Variants in DCC observed in about 807,000 individuals in gnomAD.
The protein encoded by DCC is DCC netrin 1 receptor.
In DCC, 58 loss-of-function variants were observed where a neutral mutation model predicts 172.5. The observed-to-expected ratio is 0.34, with a 90% CI of 0.27 to 0.42. The LOEUF (loss-of-function observed/expected upper bound fraction) is 0.42. DCC is among the 10% of genes least tolerant of loss of function. The pLI is 1.00. For missense variants in DCC, 1,740 were observed against 1,791.0 expected (o/e 0.97, Z 0.51); for synonymous variants, 709 against 644.5 (o/e 1.10, Z -1.52).
At chr18:52,710,479 C>T (rs756274767) in intron 1 of DCC, among the ~76,000 whole-genome samples, 12 of 152,206 alleles carry the variant, frequency 7.9e-5, no homozygotes, top group East Asian at 1.9e-4. Context: ...TGCTTGCAAG[C>T]GTGTGCACAC....
intron 12 of DCC, among the ~76,000 whole-genome samples, chr18:53,292,556 G>A (rs2144752660): frequency 6.6e-6 from 1 of 152,254 alleles, no homozygotes; most frequent in Admixed American, 6.5e-5. Context: ...GGCATGGGTG[G>A]TGGGCATCTG....
chr18:53,431,500 T>C (rs374321102), intron 21 of DCC, among the ~76,000 whole-genome samples: 1 of 151,950 alleles, frequency 6.6e-6, no homozygotes, highest in African/African-American at 2.4e-5. Flanking sequence ...TTGTTGTTTT[T>C]TTACTGAGCC....
intron 7 of DCC, among the ~76,000 whole-genome samples, chr18:53,139,639 T>C (rs2043801037): frequency 6.6e-6 from 1 of 152,132 alleles, no homozygotes. Context: ...AGCTTAGGAG[T>C]TAGCTGCTGC....
chr18:52,729,097 T>C (rs2036597070), intron 1 of DCC, among the ~76,000 whole-genome samples: 1 of 152,200 alleles, frequency 6.6e-6, no homozygotes, highest in African/African-American at 2.4e-5. Context: ...GAAACTGTTA[T>C]AAGAGAGAAA....
chr18:53,141,069 A>G (rs949888887), intron 7 of DCC, among the ~76,000 whole-genome samples: 1 of 152,254 alleles, frequency 6.6e-6, no homozygotes, highest in African/African-American at 2.4e-5. Context: ...GAGTCAGTCA[A>G]ATGTTTATAA....
At chr18:52,827,313 A>C (rs536194026) in intron 2 of DCC, among the ~76,000 whole-genome samples, 2 of 152,348 alleles carry the variant, frequency 1.3e-5, no homozygotes, top group South Asian at 4.1e-4. Context: ...TTTAATAGCT[A>C]CATCCTGAGC....
At chr18:52,656,039 T>C (rs2035241902) in intron 1 of DCC, among the ~76,000 whole-genome samples, 2 of 145,144 alleles carry the variant, frequency 1.4e-5, no homozygotes, top group Admixed American at 7.1e-5. Context: ...TATATATGTG[T>C]GTATATATAT....
chr18:53,134,451 C>T (rs912503911), intron 7 of DCC, among the ~76,000 whole-genome samples: 2 of 152,092 alleles, frequency 1.3e-5, no homozygotes. Flanking sequence ...AAATAACATA[C>T]ACTCCTCTCA....
At chr18:52,828,681 C>A (rs1036709787) in intron 2 of DCC, among the ~76,000 whole-genome samples, 20 of 152,076 alleles carry the variant, frequency 1.3e-4, no homozygotes, top group Non-Finnish European at 2.6e-4. Flanking sequence ...GAAAAACTCA[C>A]CTCAGAGGAG....
chr18:53,312,673 G>C (rs1198991196), intron 13 of DCC, among the ~76,000 whole-genome samples: 1 of 151,142 alleles, frequency 6.6e-6, no homozygotes, highest in Non-Finnish European at 1.5e-5. Flanking sequence ...GCCGGGCGTC[G>C]TGGCAGGCGC....
intron 7 of DCC, among the ~76,000 whole-genome samples, chr18:53,109,597 CTTCCTTCT>C (rs1224787492): frequency 1.4e-5 from 2 of 141,052 alleles, no homozygotes; most frequent in Non-Finnish European, 3.1e-5. Context: ...TCCTTCCTTC[CTTCCTTCT>C]TTCCTTCTTT....
chr18:52,541,592 C>T (rs74558792), intron 1 of DCC, among the ~76,000 whole-genome samples: 1,680 of 152,026 alleles, frequency 0.011, 38 homozygotes, highest in African/African-American at 0.038. Context: ...CACAAGCATC[C>T]GTTCTAACCT....
intron 1 of DCC, among the ~76,000 whole-genome samples, chr18:52,404,942 T>C (rs1254635372): frequency 6.6e-6 from 1 of 151,776 alleles, no homozygotes; most frequent in Non-Finnish European, 1.5e-5. Flanking sequence ...GACAGTTTAC[T>C]GAGAATGATG....
chr18:53,027,508 C>G (rs1158283264), intron 5 of DCC, among the ~76,000 whole-genome samples: 1 of 152,088 alleles, frequency 6.6e-6, no homozygotes, highest in Non-Finnish European at 1.5e-5. Flanking sequence ...GGCAGGGAAG[C>G]TGATGTTCAG....
chr18:52,870,920 C>T (rs999864349), intron 2 of DCC, among the ~76,000 whole-genome samples: 2 of 152,100 alleles, frequency 1.3e-5, no homozygotes, highest in Non-Finnish European at 2.9e-5. Flanking sequence ...TGCAATGCCA[C>T]GGTCTCAGTG....
chr18:52,640,678 A>G (rs1184910580), intron 1 of DCC, among the ~76,000 whole-genome samples: 1 of 152,180 alleles, frequency 6.6e-6, no homozygotes, highest in Non-Finnish European at 1.5e-5. Context: ...GACCTCTACA[A>G]GGAAAACTAC....
At chr18:52,502,162 GAT>G (rs1276791887) in intron 1 of DCC, among the ~76,000 whole-genome samples, 1 of 152,112 alleles carries the variant, frequency 6.6e-6, no homozygotes, top group African/African-American at 2.4e-5. Context: ...TTGTATTATA[GAT>G]ATATATTCCA....
At chr18:52,972,493 G>C (rs796846800) in intron 5 of DCC, among the ~76,000 whole-genome samples, 1 of 148,488 alleles carries the variant, frequency 6.7e-6, no homozygotes, top group Admixed American at 6.8e-5. Flanking sequence ...GGAAATACAC[G>C]TAAGTGTACA....
chr18:52,721,546 C>A (rs930026806), intron 1 of DCC, among the ~76,000 whole-genome samples: 2 of 152,098 alleles, frequency 1.3e-5, no homozygotes, highest in Non-Finnish European at 2.9e-5. Flanking sequence ...AATATCTTAC[C>A]TAGAAAGAGA....
Sources: gnomAD v4.1 joint callset for allele counts (sites outside exome capture counted in the v4.1 genomes callset) on GRCh38, gnomAD v4.1.1 for gene constraint, MANE v1.5 for transcripts, NCBI Gene and HGNC (gene_info 2026-07-23, HGNC 2026-07-21) for gene names.